DYM: variants seen among roughly 807,000 people sequenced by gnomAD.
DYM encodes the protein dymeclin.
DYM carries 78 observed loss-of-function variants against 93.1 expected under a neutral mutation model. The ratio of observed to expected loss-of-function variants is 0.84; its 90% CI spans 0.70 to 1.01. The LOEUF is 1.01. Among genes scored for constraint, DYM ranks in the 50% least tolerant of loss-of-function variants. The pLI, the probability that DYM is intolerant of heterozygous loss-of-function variation, is 0.00. For missense variants in DYM, 789 were observed against 845.0 expected, an observed-to-expected ratio of 0.93 and a Z score of 0.82; for synonymous variants, 321 against 319.7, an observed-to-expected ratio of 1.00 and a Z score of -0.04.
intron 9 of DYM, among the ~76,000 whole-genome samples, chr18:49,286,203 G>A (rs938919617): frequency 5.3e-5 from 8 of 152,148 alleles, no homozygotes; most frequent in African/African-American, 1.9e-4. Flanking sequence ...ACACATGCTG[G>A]TTGGTTGTCC....
At chr18:49,138,252 T>C (rs886696444) in intron 15 of DYM, among the ~76,000 whole-genome samples, 1 of 152,228 alleles carries the variant, frequency 6.6e-6, no homozygotes, top group African/African-American at 2.4e-5. Flanking sequence ...TGGCTTCAGC[T>C]TTATGTCAAT....
chr18:49,237,662 G>C (rs1221099490), intron 13 of DYM, among the ~76,000 whole-genome samples: 1 of 152,074 alleles, frequency 6.6e-6, no homozygotes, highest in African/African-American at 2.4e-5. Flanking sequence ...CTGCCCCTTT[G>C]GTGCTTACAT....
chr18:49,212,417 T>A (rs745695198), intron 13 of DYM, among the ~76,000 whole-genome samples: 1 of 152,030 alleles, frequency 6.6e-6, no homozygotes, highest in Non-Finnish European at 1.5e-5. Flanking sequence ...ACAAACACAA[T>A]AGTAAAGCAA....
chr18:49,155,084 C>T (rs571339782), intron 15 of DYM, among the ~76,000 whole-genome samples: 94 of 152,212 alleles, frequency 6.2e-4, no homozygotes, highest in African/African-American at 2.2e-3. Flanking sequence ...TAATAAGTCC[C>T]TTATTGAGGG....
intron 15 of DYM, among the ~76,000 whole-genome samples, chr18:49,130,332 T>C (rs2083268860): frequency 1.3e-5 from 2 of 152,182 alleles, no homozygotes; most frequent in Admixed American, 6.5e-5. Flanking sequence ...CCAACTCTGC[T>C]CAAGAAGGAA....
At chr18:49,237,297 C>T (rs1301310183) in intron 13 of DYM, among the ~76,000 whole-genome samples, 1 of 152,058 alleles carries the variant, frequency 6.6e-6, no homozygotes, top group East Asian at 1.9e-4. Context: ...ATATAAACAA[C>T]TTAAATGTCG....
intron 8 of DYM, among the ~76,000 whole-genome samples, chr18:49,313,486 AAAAAAAAAAAAG>A: frequency 1.4e-5 from 2 of 138,986 alleles, no homozygotes; most frequent in African/African-American, 5.2e-5. Context: ...AAAAAAAAAA[AAAAAAAAAAAAG>A]GGCTGCAGTA....
At chr18:49,259,882 T>C (rs930745877) in intron 11 of DYM, among the ~76,000 whole-genome samples, 3 of 152,124 alleles carry the variant, frequency 2.0e-5, no homozygotes, top group South Asian at 2.1e-4. Context: ...ATAGTGTTCA[T>C]AATAAAAACT....
At chr18:49,407,983 TA>T (rs1288597314) in intron 2 of DYM, among the ~76,000 whole-genome samples, 2 of 149,932 alleles carry the variant, frequency 1.3e-5, no homozygotes, top group African/African-American at 4.9e-5. Flanking sequence ...TAGTGCCAGC[TA>T]CTCAAGAGGC....
At chr18:49,433,171 C>T (rs1388882353) in intron 1 of DYM, among the ~76,000 whole-genome samples, 1 of 152,134 alleles carries the variant, frequency 6.6e-6, no homozygotes, top group African/African-American at 2.4e-5. Flanking sequence ...CCGGATCAAC[C>T]AGGAGAAGAA....
chr18:49,193,352 C>T (rs993316413), intron 14 of DYM, among the ~76,000 whole-genome samples: 18 of 151,828 alleles, frequency 1.2e-4, no homozygotes, highest in Admixed American at 6.6e-4. Flanking sequence ...TTAAAAAATT[C>T]TATACATCTA....
At chr18:49,311,767 C>G (rs776814030) in intron 8 of DYM, among the ~76,000 whole-genome samples, 28 of 150,966 alleles carry the variant, frequency 1.9e-4, no homozygotes, top group Non-Finnish European at 3.8e-4. Context: ...AGGAGATATA[C>G]CTAATGTAAA....
At chr18:49,394,961 A>G (rs140974814) in intron 2 of DYM, among the ~76,000 whole-genome samples, 4 of 152,310 alleles carry the variant, frequency 2.6e-5, no homozygotes, top group African/African-American at 9.6e-5. Flanking sequence ...ATGAAACTAG[A>G]CCCCTATCTC....
At chr18:49,304,367 C>T (rs2061145675) in intron 8 of DYM, among the ~76,000 whole-genome samples, 2 of 152,228 alleles carry the variant, frequency 1.3e-5, no homozygotes. Context: ...CTACCTTCCC[C>T]TAAAACACCA....
intron 8 of DYM, among the ~76,000 whole-genome samples, chr18:49,312,275 C>T (rs930547029): frequency 1.3e-5 from 2 of 152,172 alleles, no homozygotes; most frequent in African/African-American, 2.4e-5. Flanking sequence ...AGCCTGAAAG[C>T]CAAGCTGCAA....
rs571695673 is a variant in DYM at position 49,147,960 on chromosome 18, T to C, written c.1728+15725A>G. ...AACCAAGCCAAATGTCCAACAATGA[T>C]AGACCGGATTAAGAAAATGTGGCAC... On this transcript the variant is annotated intron_variant, in intron 15 of 17. Transcript: ENST00000675505. Among the ~76,000 whole-genome samples, 20 of 152,260 alleles carry C rather than the reference T, an allele frequency of 1.3e-4. No homozygotes were observed. The South Asian group carries it at 3.9e-3, about 30-fold the overall frequency.
At chr18:49,047,913 A>C (rs922282175) in intron 17 of DYM, among the ~76,000 whole-genome samples, 1 of 152,220 alleles carries the variant, frequency 6.6e-6, no homozygotes, top group Non-Finnish European at 1.5e-5. Context: ...CATCCTGGTC[A>C]GTCACCAAAT....
At chr18:49,262,659 T>C (rs2094508272) in intron 11 of DYM, among the ~76,000 whole-genome samples, 1 of 152,208 alleles carries the variant, frequency 6.6e-6, no homozygotes, top group African/African-American at 2.4e-5. Flanking sequence ...GTAAATAGCT[T>C]TTGTTGTAAG....
chr18:49,157,229 T>C (rs1600213641), intron 15 of DYM, among the ~76,000 whole-genome samples: 2 of 152,260 alleles, frequency 1.3e-5, no homozygotes, highest in East Asian at 1.9e-4. Flanking sequence ...CTGCTGGCTG[T>C]TGTGATCTCT....
Sources: allele counts gnomAD v4.1 joint callset (sites outside exome capture counted in the v4.1 genomes callset), GRCh38; gene constraint gnomAD v4.1.1; transcripts MANE v1.5; gene names NCBI Gene and HGNC (gene_info 2026-07-23, HGNC 2026-07-21).